Variants in UBN1 observed in about 807,000 individuals in gnomAD.
UBN1 encodes the protein ubinuclein-1.
Under a neutral mutation model 108.5 loss-of-function variants are expected in UBN1, and 17 were observed. The ratio of observed to expected loss-of-function variants is 0.16; its 90% CI spans 0.11 to 0.24. The LOEUF is 0.24. Among genes scored for constraint, UBN1 ranks in the 10% least tolerant of loss-of-function variants. The pLI, the probability that UBN1 is intolerant of heterozygous loss-of-function variation, is 1.00. For synonymous variants in UBN1, 726 were observed against 564.2 expected, an observed-to-expected ratio of 1.29 and a Z score of -4.07; for missense variants, 1,595 against 1,394.4, an observed-to-expected ratio of 1.14 and a Z score of -2.29.
In UBN1 at chr16:4,853,087, A is replaced by T. The variant is rs1201667899; in HGVS notation, c.170A>T (p.Lys57Ile). ...CTCACCCTCTTTGAACCAGATCACA[A>T]ACGCTGCCCAGAGTTCTTCTACCCA... ...ITLTLFEPDH[K>I]RCPEFFYPEL... The change falls in exon 2 of 18, where the codon AAA becomes ATA. Residue 57 changes from lysine to isoleucine, a missense_variant. Around this residue, in one of 3 missense-constraint regions of UBN1, gnomAD observed 181 missense variants for 157.3 expected, o/e 1.15. Transcript: ENST00000262376. The T allele has an allele frequency of 2.5e-6, 4 of 1,614,228 alleles. No individual in the cohort carries two copies. Among genetic ancestry groups the T allele is most frequent in the Non-Finnish European group, 2.5e-6 (3 of 1,180,034 alleles).
chr16:4,876,838 G>T (rs1304851336), intron 15 of UBN1, 33 bp from the exon 16 acceptor site: 1 of 1,552,412 alleles, frequency 6.4e-7, no homozygotes, highest in African/African-American at 1.4e-5. Flanking sequence ...AACAGGACTG[G>T]AGTTCTTACC....
chr16:4,862,732 C>T (rs1408820911), intron 7 of UBN1, among the ~76,000 whole-genome samples: 3 of 152,210 alleles, frequency 2.0e-5, no homozygotes, highest in South Asian at 4.1e-4. Flanking sequence ...GTTTCACTTT[C>T]TTGGGAAAGA....
At chr16:4,868,976 G>T (rs778909095) in intron 8 of UBN1, 73 bp downstream of exon 8, 2 of 1,505,598 alleles carry the variant, frequency 1.3e-6, no homozygotes, top group Non-Finnish European at 1.8e-6. Context: ...CCAGCTAGGG[G>T]ACAGTGGGAG....
rs780481661 is a variant in UBN1, at chr16:4,875,038, A to C, written c.2628A>C (p.Pro876=). The change falls in exon 15 of 18, where the codon CCA becomes CCC. Residue 876 remains proline, a synonymous_variant. Transcript: ENST00000262376. ...SASSSSSHKT[P]ASSSSALSHP... ...CCAGCAGCAGCTCTCACAAGACCCC[A>C]GCCTCGTCCTCTTCTGCCCTGAGCC... 7 of 1,613,908 alleles carry C rather than the reference A, an allele frequency of 4.3e-6. No individual in the cohort carries two copies. Among genetic ancestry groups the C allele is most frequent in the Non-Finnish European group, 5.9e-6 (7 of 1,180,040 alleles).
chr16:4,850,133 G>A (rs555565516), intron 1 of UBN1, among the ~76,000 whole-genome samples: 1 of 151,972 alleles, frequency 6.6e-6, no homozygotes, highest in African/African-American at 2.4e-5. Context: ...AAATATATTG[G>A]ATTCTCTTAA....
At position 4,876,347 on chromosome 16, in the gene UBN1, C is replaced by A. The variant is rs145394836; in HGVS notation, c.3025-524C>A. On this transcript the variant is annotated intron_variant, in intron 15 of 17. Transcript: ENST00000262376. ...CTCACCTCCTTTCCTGCACCCACCA[C>A]CTCTGTAAGGTAACTAAGCTCTTTA... is the stretch of plus-strand genomic sequence containing the variant. 3.3e-5 allele frequency among the ~76,000 whole-genome samples: 5 copies of A among 152,232 alleles called. No individual in the cohort carries two copies. The East Asian group carries it at 9.6e-4, about 29-fold the overall frequency.
rs145831494 is a variant in UBN1 at position 4,860,922 on chromosome 16, G to A, written c.930G>A (p.Ser310=). The part of the protein sequence containing the change: ...DLLQAATAMD[S]LTDLDLEHLL... Reference sequence around the variant, plus strand: ...TCCAGGCGGCCACTGCCATGGACTCGCTGACGGATTTGGACTTGGAGCATC... The same window carrying A: ...TCCAGGCGGCCACTGCCATGGACTCACTGACGGATTTGGACTTGGAGCATC... Residue 310 remains serine, a synonymous_variant, in exon 7 of 18, where the codon TCG becomes TCA. Transcript: ENST00000262376. 29 of 1,614,220 alleles carry A rather than the reference G, an allele frequency of 1.8e-5. No homozygotes were observed. The Middle Eastern group carries it at 6.6e-4, about 37-fold the overall frequency.
At chr16:4,871,363 G>C (rs1169987944) in intron 12 of UBN1, 62 bp downstream of exon 12, 3 of 1,568,130 alleles carry the variant, frequency 1.9e-6, no homozygotes, top group Non-Finnish European at 2.6e-6. Context: ...CGCTGCTTTT[G>C]TGCCAGGCCA....
intron 7 of UBN1, among the ~76,000 whole-genome samples, chr16:4,862,918 G>A (rs1308721266): frequency 6.6e-6 from 1 of 152,238 alleles, no homozygotes; most frequent in Non-Finnish European, 1.5e-5. Context: ...CCATAGTCAA[G>A]GTGGGCCTGG....
At chr16:4,852,252 T>G (rs1322539631) in intron 1 of UBN1, 1 of 152,250 alleles carries the variant, frequency 6.6e-6, no homozygotes, top group African/African-American at 2.4e-5. Context: ...CAAAATCTAT[T>G]TTGACCATTC....
Position 4,877,788 on chromosome 16 carries a change from C to A in UBN1, c.3355+314C>A. On this transcript the variant is annotated intron_variant, in intron 17 of 17. Transcript: ENST00000262376. This position sits in a 1 kb window ranked among gnomAD's most constrained non-coding sequence, Gnocchi z 4.3. Reference sequence around the variant, plus strand: ...TTCCTAACCCTCGGCTTGTTTTTTTCTCTTCAGTTTAAAAAAAAAAAAAAA... The same window carrying A: ...TTCCTAACCCTCGGCTTGTTTTTTTATCTTCAGTTTAAAAAAAAAAAAAAA... The A allele has an allele frequency of 1.9e-6, 2 of 1,066,648 alleles. No individual in the cohort carries two copies. Among genetic ancestry groups the A allele is most frequent in the East Asian group, 5.8e-5 (1 of 17,208 alleles). The allele number at this position is 1,066,648 out of a possible 1,614,324, so 66.1% of individuals were successfully genotyped here.
rs114733160 is a variant in UBN1 at position 4,870,568 on chromosome 16, C to T, written c.1364C>T (p.Ala455Val). 1.1e-3 allele frequency: 1,734 copies of T among 1,614,234 alleles called. 27 individuals carry two copies. In the African/African-American group the frequency reaches 0.021, roughly 19 times the overall value. ...AAGCTCAAGGAAGCCATTGGCAGGG[C>T]GATGCCAGAGCAGATGGCCAAGTAC... is the stretch of plus-strand genomic sequence containing the variant. ...LQKLKEAIGR[A>V]MPEQMAKYQD... Residue 455 changes from alanine (A) to valine (V), a missense_variant, in exon 10 of 18, where the codon GCG becomes GTG. Ala to Val is a moderately conservative substitution (Grantham distance 64, BLOSUM62 0). This residue lies in a region of UBN1 where 1,398 missense variants were observed against 1,194.7 expected (regional missense o/e 1.17). Transcript: ENST00000262376.
intron 3 of UBN1, 83 bp from the exon 4 acceptor site, chr16:4,858,485 G>C (rs1424648530): frequency 7.9e-7 from 1 of 1,265,324 alleles, no homozygotes; most frequent in Non-Finnish European, 1.1e-6. Flanking sequence ...ACCTCTTTGA[G>C]TCATAGCTGA....
In UBN1 at chr16:4,871,193, G is replaced by A; in HGVS notation, c.1598G>A (p.Ser533Asn). The change falls in exon 12 of 18, where the codon AGC (serine) becomes AAC (asparagine). Residue 533 changes from serine (S) to asparagine (N), a missense_variant. Physicochemically the swap from Ser to Asn is conservative, Grantham distance 46. Transcript: ENST00000262376. ...CAGGTGGTGAAGATCAAACTGGAGA[G>A]CCAGGACCTGGAGAGGAACAACAAA... ...LCQVVKIKLESQDLERNNKAQ... is the reference protein window; with the variant it reads ...LCQVVKIKLENQDLERNNKAQ... The A allele has an allele frequency of 1.2e-6, 2 of 1,614,222 alleles. No individual in the cohort carries two copies. The highest frequency in any genetic ancestry group is 1.1e-5 in the South Asian group (1 of 91,080).
At position 4,877,186 on chromosome 16, in the gene UBN1, C is replaced by G. The variant is rs921829748; in HGVS notation, c.3265+75C>G. The G allele has an allele frequency of 3.3e-6, 5 of 1,531,988 alleles. No individual in the cohort carries two copies. The highest frequency in any genetic ancestry group is 1.4e-5 in the African/African-American group (1 of 72,560). 94.9% of individuals were successfully genotyped at this position (1,531,988 alleles called of 1,614,324 possible). A position where few individuals can be genotyped will look rare whatever the true frequency, so the allele number is the denominator to read the frequency against. On this transcript the variant is annotated intron_variant, in intron 16 of 17. Coordinates refer to ENST00000262376, the MANE Select transcript of UBN1 (RefSeq NM_001079514.3). The surrounding 1 kb of genome is among the most constrained non-coding windows in gnomAD (Gnocchi z 4.3). ...GCCAGGGGTCCTGCTGTTGTGTACT[C>G]TGGTTCCTGTGTTTGAGTCTGGTGT...
At chr16:4,856,389 C>T (rs1456898437) in intron 2 of UBN1, among the ~76,000 whole-genome samples, 1 of 152,188 alleles carries the variant, frequency 6.6e-6, no homozygotes, top group Non-Finnish European at 1.5e-5. Flanking sequence ...CACATTTGTG[C>T]AGCAGTTCTT....
chr16:4,872,873 G>A lies in UBN1; in HGVS notation c.1707-11G>A. The stretch of plus-strand genomic sequence containing the variant: ...GGCATGTACAGATGCCTGGTGTTCT[G>A]TGTCTTTCAGAACTCTGTTTAAGGA... On this transcript the variant is annotated splice_polypyrimidine_tract_variant and intron_variant, in intron 12 of 17. Coordinates refer to ENST00000262376, the MANE Select transcript of UBN1 (RefSeq NM_001079514.3). The A allele has an allele frequency of 1.2e-6, 2 of 1,614,204 alleles. No homozygotes were observed. Among genetic ancestry groups the A allele is most frequent in the East Asian group, 2.2e-5 (1 of 44,886 alleles).
At chr16:4,864,950 T>C (rs1433968247) in intron 7 of UBN1, among the ~76,000 whole-genome samples, 3 of 152,212 alleles carry the variant, frequency 2.0e-5, no homozygotes, top group South Asian at 2.1e-4. Context: ...AGATACAGTA[T>C]ATAAGATTTT....
intron 15 of UBN1, 81 bp downstream of exon 15, chr16:4,875,515 A>G: frequency 6.6e-7 from 1 of 1,522,758 alleles, no homozygotes; most frequent in Non-Finnish European, 8.8e-7. Flanking sequence ...CCCCGGGTGG[A>G]GAGTGAGATC....
Sources: allele counts gnomAD v4.1 joint callset (sites outside exome capture counted in the v4.1 genomes callset), GRCh38; gene constraint gnomAD v4.1.1; regional missense constraint gnomAD v4.1.1; non-coding constraint Gnocchi (gnomAD v3.1); transcripts MANE v1.5; gene names NCBI Gene and HGNC (gene_info 2026-07-23, HGNC 2026-07-21).